Variants in OSBPL10 observed in about 807,000 individuals in gnomAD.
The protein encoded by OSBPL10 is oxysterol-binding protein-related protein 10.
A neutral mutation model predicts 81.7 loss-of-function variants in OSBPL10; 49 were observed. That is an observed-to-expected ratio of 0.60 (90% CI 0.48 to 0.76). The LOEUF (loss-of-function observed/expected upper bound fraction) is 0.76, where lower values mean the gene tolerates loss of function less well. OSBPL10 is among the 30% of genes least tolerant of loss of function. The pLI is 0.00. For missense variants in OSBPL10, 923 were observed against 987.8 expected (o/e 0.93, Z 0.88); for synonymous variants, 419 against 383.6 (o/e 1.09, Z -1.08).
upstream of OSBPL10, among the ~76,000 whole-genome samples, chr3:31,985,516 A>T (rs1405623838): frequency 2.0e-5 from 3 of 152,174 alleles, no homozygotes; most frequent in Non-Finnish European, 4.4e-5. Flanking sequence ...TCTTCTCCAC[A>T]TGGACCTGGA....
intron 3 of OSBPL10, among the ~76,000 whole-genome samples, chr3:31,843,298 C>T (rs1194394072): frequency 6.6e-6 from 1 of 152,210 alleles, no homozygotes; most frequent in East Asian, 1.9e-4. Flanking sequence ...AGATGATAAT[C>T]CCATTACCTG....
chr3:31,992,157 A>AG (rs1256258579), intron 2 of OSBPL10, among the ~76,000 whole-genome samples: 5 of 152,048 alleles, frequency 3.3e-5, no homozygotes, highest in African/African-American at 1.2e-4. Context: ...AAAAAAAAAA[A>AG]AAAAAGATAT....
At chr3:31,872,906 G>C (rs1183295762) in intron 3 of OSBPL10, among the ~76,000 whole-genome samples, 1 of 152,188 alleles carries the variant, frequency 6.6e-6, no homozygotes, top group Admixed American at 6.5e-5. Flanking sequence ...TTACAGGCGT[G>C]AGCCACCACA....
chr3:31,837,607 T>C lies in OSBPL10; in HGVS notation c.538-7376A>G, dbSNP rs981780414. Reference sequence around the variant, plus strand: ...TTCCTGGAAGCACTAGCCAACAAAATAGGACTAGAAAACAATCACTGTAGA... The same window carrying C: ...TTCCTGGAAGCACTAGCCAACAAAACAGGACTAGAAAACAATCACTGTAGA... On this transcript the variant is annotated intron_variant, in intron 3 of 11. Coordinates refer to ENST00000396556, the MANE Select transcript of OSBPL10 (RefSeq NM_017784.5). 4.2e-5 allele frequency among the ~76,000 whole-genome samples: 6 copies of C among 141,666 alleles called. No individual in the cohort carries two copies. In the East Asian group the frequency reaches 8.4e-4, roughly 20 times the overall value. 92.9% of individuals were successfully genotyped at this position (141,666 alleles called of 152,430 possible). A position where few individuals can be genotyped will look rare whatever the true frequency, so the allele number is the denominator to read the frequency against.
intron 1 of OSBPL10, among the ~76,000 whole-genome samples, chr3:31,882,677 A>ACACACGCACACACG (rs1695617898): frequency 6.6e-6 from 1 of 152,200 alleles, no homozygotes; most frequent in Admixed American, 6.5e-5. Flanking sequence ...ACGCACACAC[A>ACACACGCACACACG]CACACACACG....
At chr3:31,871,170 A>G (rs1248006827) in intron 3 of OSBPL10, among the ~76,000 whole-genome samples, 2 of 152,234 alleles carry the variant, frequency 1.3e-5, no homozygotes, top group Non-Finnish European at 1.5e-5. Context: ...TTTGCAATAA[A>G]TCTTGCTACT....
intron 1 of OSBPL10, among the ~76,000 whole-genome samples, chr3:31,954,243 C>T (rs1697948007): frequency 6.6e-6 from 1 of 152,152 alleles, no homozygotes; most frequent in Non-Finnish European, 1.5e-5. Context: ...CAAGATGCCA[C>T]AGGCCTGGAG....
intron 2 of OSBPL10, among the ~76,000 whole-genome samples, chr3:32,021,967 A>T (rs2125545780): frequency 7.8e-6 from 1 of 127,620 alleles, no homozygotes; most frequent in South Asian, 2.9e-4. Context: ...GCAACAGGAG[A>T]TAATCTGTCT....
rs572152674 is a variant in OSBPL10 at position 31,891,297 on chromosome 3, C to T, written c.282-11467G>A. 9.2e-5 allele frequency among the ~76,000 whole-genome samples: 14 copies of T among 152,238 alleles called. No individual in the cohort carries two copies. The East Asian group carries it at 2.7e-3, about 29-fold the overall frequency. On this transcript the variant is annotated intron_variant, in intron 1 of 11. Transcript: ENST00000396556. Reference sequence around the variant, plus strand: ...AGCTTCCTGGGCCCCTCCCCCAGAGCTTATGATTCAGGAGGTCTGGGTGGA... The same window carrying T: ...AGCTTCCTGGGCCCCTCCCCCAGAGTTTATGATTCAGGAGGTCTGGGTGGA...
intron 1 of OSBPL10, among the ~76,000 whole-genome samples, chr3:31,947,257 G>A (rs1697728193): frequency 6.6e-6 from 1 of 152,118 alleles, no homozygotes; most frequent in Admixed American, 6.6e-5. Flanking sequence ...CTGCAGAAGT[G>A]TAGCAGCTCT....
intron 1 of OSBPL10, among the ~76,000 whole-genome samples, chr3:32,062,398 C>A (rs571094939): frequency 1.1e-5 from 1 of 94,496 alleles, no homozygotes; most frequent in East Asian, 2.4e-4. Flanking sequence ...AGCCACCACT[C>A]CTGGTTTGTT....
intron 3 of OSBPL10, among the ~76,000 whole-genome samples, chr3:31,838,303 G>T (rs910082616): frequency 1.2e-4 from 18 of 152,064 alleles, no homozygotes; most frequent in African/African-American, 4.3e-4. Context: ...GAGGTCAGGA[G>T]ATCGAGACCA....
At chr3:31,895,521 G>A (rs536221993) in intron 1 of OSBPL10, among the ~76,000 whole-genome samples, 1 of 152,216 alleles carries the variant, frequency 6.6e-6, no homozygotes, top group South Asian at 2.1e-4. Flanking sequence ...TCAGGCAGTG[G>A]TAGTTTTTTA....
chr3:31,797,858 G>A (rs1449713278), intron 4 of OSBPL10: 1 of 449,168 alleles, frequency 2.2e-6, no homozygotes, highest in African/African-American at 2.1e-5. Context: ...AAATGGGGAT[G>A]GGGGGGTGAA....
At chr3:32,075,957 C>T (rs769695523) in intron 1 of OSBPL10, among the ~76,000 whole-genome samples, 1 of 152,164 alleles carries the variant, frequency 6.6e-6, no homozygotes, top group Non-Finnish European at 1.5e-5. Context: ...CGTAATCTCC[C>T]CCACCCTTAA....
At chr3:31,807,273 G>A (rs929811582) in intron 4 of OSBPL10, among the ~76,000 whole-genome samples, 2 of 151,906 alleles carry the variant, frequency 1.3e-5, no homozygotes, top group East Asian at 1.9e-4. Context: ...CCAGCTAGTC[G>A]GGAGGCTGGG....
At chr3:31,924,868 A>C (rs1697026079) in intron 1 of OSBPL10, among the ~76,000 whole-genome samples, 1 of 152,218 alleles carries the variant, frequency 6.6e-6, no homozygotes, top group African/African-American at 2.4e-5. Flanking sequence ...GATTTCGCCC[A>C]CAGAATATCC....
intron 6 of OSBPL10, 177 bp downstream of exon 6, chr3:31,733,080 G>T: frequency 1.3e-6 from 1 of 767,222 alleles, no homozygotes; most frequent in Non-Finnish European, 2.1e-6. Context: ...CCAGACACAA[G>T]AACATGAGAA....
Position 31,919,654 on chromosome 3 carries a change from T to C in OSBPL10, c.282-39824A>G, listed in dbSNP as rs112454174. 1.4e-3 allele frequency among the ~76,000 whole-genome samples: 210 copies of C among 152,308 alleles called. No homozygotes were observed. The Middle Eastern group carries it at 0.041, about 30-fold the overall frequency. On this transcript the variant is annotated intron_variant, in intron 1 of 11. Transcript: ENST00000396556. The stretch of plus-strand genomic sequence containing the variant: ...GATTTGTCTCTTTCACCCAATCATA[T>C]CACCAGAGTTAATAAACATCATTAC...
Sources: allele counts gnomAD v4.1 joint callset (sites outside exome capture counted in the v4.1 genomes callset), GRCh38; gene constraint gnomAD v4.1.1; transcripts MANE v1.5; gene names NCBI Gene and HGNC (gene_info 2026-07-23, HGNC 2026-07-21).